PRKCH: variants seen among roughly 807,000 people sequenced by gnomAD.
The protein encoded by PRKCH is protein kinase C eta type.
A neutral mutation model predicts 82.5 loss-of-function variants in PRKCH; 28 were observed. The ratio of observed to expected loss-of-function variants is 0.34; its 90% confidence interval spans 0.25 to 0.47. The LOEUF (loss-of-function observed/expected upper bound fraction) is 0.47, where lower values mean the gene tolerates loss of function less well. PRKCH is among the 20% of genes least tolerant of loss of function. PRKCH has a pLI of 1.00. For synonymous variants in PRKCH, 322 were observed against 327.4 expected (o/e 0.98, Z 0.18); for missense variants, 705 against 881.8 (o/e 0.80, Z 2.54).
At chr14:61,478,462 G>A (rs1487044377) in intron 9 of PRKCH, among the ~76,000 whole-genome samples, 1 of 152,072 alleles carries the variant, frequency 6.6e-6, no homozygotes, top group Non-Finnish European at 1.5e-5. Context: ...TCTTTTCTGG[G>A]CTTGGCACTG....
At chr14:61,535,204 C>A (rs757183772) in intron 12 of PRKCH, among the ~76,000 whole-genome samples, 2 of 152,110 alleles carry the variant, frequency 1.3e-5, no homozygotes, top group Non-Finnish European at 2.9e-5. Flanking sequence ...CTGCAATACT[C>A]AGGTTCTGTG....
intron 1 of PRKCH, among the ~76,000 whole-genome samples, chr14:61,272,197 T>C (rs1043468079): frequency 9.3e-5 from 14 of 150,990 alleles, no homozygotes; most frequent in Admixed American, 2.0e-4. Context: ...CACTGCACTC[T>C]GGCCTGGGCA....
intron 12 of PRKCH, among the ~76,000 whole-genome samples, chr14:61,540,643 T>C (rs1088675): frequency 0.8 from 121,964 of 152,194 alleles, 49,971 homozygotes; most frequent in Non-Finnish European, 0.89. Flanking sequence ...ACATATATGG[T>C]AGTAATGGCT....
At chr14:61,335,186 G>T (rs999610820) in intron 1 of PRKCH, among the ~76,000 whole-genome samples, 1 of 152,106 alleles carries the variant, frequency 6.6e-6, no homozygotes, top group Non-Finnish European at 1.5e-5. Flanking sequence ...AAAAGAGGGT[G>T]GTGGTATGAA....
chr14:61,323,182 C>A lies in PRKCH; in HGVS notation c.363+718C>A, dbSNP rs368761590. On this transcript the variant is annotated intron_variant, in intron 1 of 13. Coordinates refer to ENST00000332981, the MANE Select transcript of PRKCH (RefSeq NM_006255.5). ...CAGGAGGTTGTTAACTGTCTTCCCT[C>A]CCCCCATCACCAGCCTGTGTTCCTG... Among the ~76,000 whole-genome samples, 22 of 152,190 alleles carry A rather than the reference C, an allele frequency of 1.4e-4. No individual in the cohort carries two copies. In the East Asian group the frequency reaches 2.9e-3, roughly 20 times the overall value.
At chr14:61,470,149 T>G (rs1885433675) in intron 9 of PRKCH, among the ~76,000 whole-genome samples, 1 of 151,600 alleles carries the variant, frequency 6.6e-6, no homozygotes, top group African/African-American at 2.4e-5. Flanking sequence ...CTCCGTTATA[T>G]TTTTTGTAGG....
chr14:61,460,710 G>A (rs533624576), intron 9 of PRKCH, among the ~76,000 whole-genome samples: 1 of 152,248 alleles, frequency 6.6e-6, no homozygotes, highest in Admixed American at 6.5e-5. Context: ...GCTGGGCTGC[G>A]TCTCTAAATT....
chr14:61,387,556 A>T (rs1175859806), intron 1 of PRKCH, among the ~76,000 whole-genome samples: 8 of 152,210 alleles, frequency 5.3e-5, no homozygotes, highest in African/African-American at 1.9e-4. Context: ...TTGTACAGGA[A>T]TGAAATAGGC....
At chr14:61,212,921 C>T (rs1350556556) in intron 1 of PRKCH, among the ~76,000 whole-genome samples, 1 of 152,194 alleles carries the variant, frequency 6.6e-6, no homozygotes, top group Non-Finnish European at 1.5e-5. Context: ...CCCTCATGCA[C>T]ACATTTCCTG....
intron 2 of PRKCH, among the ~76,000 whole-genome samples, chr14:61,417,901 A>G (rs1014750209): frequency 6.6e-6 from 1 of 152,206 alleles, no homozygotes; most frequent in African/African-American, 2.4e-5. Context: ...AGGACTGATG[A>G]GGAAGCCACA....
At chr14:61,352,326 C>T (rs2140149862) in intron 1 of PRKCH, among the ~76,000 whole-genome samples, 1 of 152,264 alleles carries the variant, frequency 6.6e-6, no homozygotes, top group Non-Finnish European at 1.5e-5. Flanking sequence ...CCACCCACAT[C>T]CACATGGCTG....
intron 1 of PRKCH, among the ~76,000 whole-genome samples, chr14:61,199,694 AC>A (rs1317008178): frequency 2.6e-5 from 4 of 152,118 alleles, no homozygotes; most frequent in Admixed American, 2.6e-4. Flanking sequence ...GGGAACTGAC[AC>A]CATTCGCATT....
At chr14:61,249,609 C>A (rs1458951964) in intron 1 of PRKCH, among the ~76,000 whole-genome samples, 4 of 150,968 alleles carry the variant, frequency 2.6e-5, no homozygotes, top group African/African-American at 9.7e-5. Context: ...CCACCAATGG[C>A]AAATTTTTTT....
rs141596412 is a variant in PRKCH, at chr14:61,334,220, G to A, written c.363+11756G>A. Among the ~76,000 whole-genome samples, 563 of 152,292 alleles carry A rather than the reference G, an allele frequency of 3.7e-3. 2 individuals are homozygous for A. The highest frequency in any genetic ancestry group is 9.1e-3 in the Admixed American group (140 of 15,306). ...TTTATTAAGTATCTACCTTGTGCCT[G>A]AGCCTGTTCTAGGTGTTACAGGTAG... On this transcript the variant is annotated intron_variant, in intron 1 of 13. Transcript: ENST00000332981.
At chr14:61,361,708 A>T (rs1346779641) in intron 1 of PRKCH, among the ~76,000 whole-genome samples, 1 of 152,222 alleles carries the variant, frequency 6.6e-6, no homozygotes, top group Non-Finnish European at 1.5e-5. Flanking sequence ...AACCAGTAAA[A>T]TGGGAATAAT....
intron 1 of PRKCH, among the ~76,000 whole-genome samples, chr14:61,312,153 T>C (rs955469079): frequency 6.6e-6 from 1 of 152,240 alleles, no homozygotes; most frequent in Non-Finnish European, 1.5e-5. Flanking sequence ...AAATTAGTAC[T>C]GAAAAGAAGC....
chr14:61,317,712 C>T (rs1335766099), upstream of PRKCH, among the ~76,000 whole-genome samples: 1 of 152,114 alleles, frequency 6.6e-6, no homozygotes, highest in Non-Finnish European at 1.5e-5. Flanking sequence ...CTGCTTTTCT[C>T]TTACCTCCCT....
At chr14:61,456,991 C>T in intron 7 of PRKCH, 185 bp from the exon 8 acceptor site, 1 of 611,230 alleles carries the variant, frequency 1.6e-6, no homozygotes, top group Admixed American at 3.2e-5. Context: ...GCAGTAAGCA[C>T]AGATTCAGAA....
At chr14:61,339,556 C>T (rs1027922509) in intron 1 of PRKCH, among the ~76,000 whole-genome samples, 3 of 149,500 alleles carry the variant, frequency 2.0e-5, no homozygotes, top group Non-Finnish European at 4.5e-5. Flanking sequence ...ATCTCCTGAC[C>T]TCATGATCCA....
Sources: gnomAD v4.1 joint callset for allele counts (sites outside exome capture counted in the v4.1 genomes callset) on GRCh38, gnomAD v4.1.1 for gene constraint, MANE v1.5 for transcripts, NCBI Gene and HGNC (gene_info 2026-07-23, HGNC 2026-07-21) for gene names.